SLC2A3: variants seen among roughly 807,000 people sequenced by gnomAD.
SLC2A3 encodes solute carrier family 2, facilitated glucose transporter member 3.
In SLC2A3, 21 loss-of-function variants were observed where a neutral mutation model predicts 46.4. That is an observed-to-expected ratio of 0.45 (90% confidence interval 0.32 to 0.65). The LOEUF (loss-of-function observed/expected upper bound fraction) is 0.65. Ranked by LOEUF, SLC2A3 falls within the 30% of genes least tolerant of loss-of-function variation. SLC2A3 has a pLI of 0.04. For missense variants in SLC2A3, 499 were observed against 623.3 expected (o/e 0.80, Z 2.12); for synonymous variants, 213 against 239.4 (o/e 0.89, Z 1.02).
At chr12:7,927,040 C>T (rs753696248) in intron 6 of SLC2A3, among the ~76,000 whole-genome samples, 2 of 152,010 alleles carry the variant, frequency 1.3e-5, no homozygotes, top group Admixed American at 1.3e-4. Context: ...GCCTCCATAG[C>T]AATATTTATT....
At chr12:7,927,786 A>G (rs1365455935) in intron 6 of SLC2A3, among the ~76,000 whole-genome samples, 1 of 152,072 alleles carries the variant, frequency 6.6e-6, no homozygotes, top group Non-Finnish European at 1.5e-5. Flanking sequence ...TCCAACAATA[A>G]TTAATGTACA....
In SLC2A3 at chr12:7,920,398, G is replaced by A. The variant is rs186954156; in HGVS notation, c.*1015C>T. 1.3e-5 allele frequency: 2 copies of A among 152,102 alleles called. No homozygotes were observed. Among genetic ancestry groups the A allele is most frequent in the African/African-American group, 4.8e-5 (2 of 41,482 alleles). 9.4% of individuals were successfully genotyped at this position (152,102 alleles called of 1,614,324 possible). The stretch of plus-strand genomic sequence containing the variant: ...GTTATTTCATCCAGTGAGGGGAACA[G>A]GCTTTCTAGAAATCACTTTCTCTTC... On this transcript the variant is annotated 3_prime_UTR_variant, in exon 10 of 10. Transcript: ENST00000075120.
intron 4 of SLC2A3, 110 bp from the exon 5 acceptor site, chr12:7,930,752 TAAAC>T (rs1308183307): frequency 1.7e-5 from 18 of 1,074,746 alleles, no homozygotes; most frequent in African/African-American, 3.3e-5. Context: ...TGTGAAAAAA[TAAAC>T]AAATTGTGTT....
Position 7,925,751 on chromosome 12 carries a change from A to G in SLC2A3, c.966+93T>C, listed in dbSNP as rs879719426. On this transcript the variant is annotated intron_variant, in intron 7 of 9. Transcript: ENST00000075120. ...AAGGAAAATTAAGCAACAAAAAGGT[A>G]ACTAAATGATGGTAGGGTCATGCAA... 16 of 969,906 alleles carry G rather than the reference A, an allele frequency of 1.6e-5. No individual in the cohort carries two copies. The Admixed American group carries it at 3.4e-4, about 21-fold the overall frequency. The allele number at this position is 969,906 out of a possible 1,614,324, so 60.1% of individuals were successfully genotyped here. A position where few individuals can be genotyped will look rare whatever the true frequency, so the allele number is the denominator to read the frequency against.
At chr12:7,924,089 C>T (rs914998972) in intron 8 of SLC2A3, among the ~76,000 whole-genome samples, 1 of 152,062 alleles carries the variant, frequency 6.6e-6, no homozygotes, top group African/African-American at 2.4e-5. Flanking sequence ...TTTTCAATCC[C>T]ATCTATATGA....
chr12:7,928,956 G>C (rs1042514078), intron 6 of SLC2A3, among the ~76,000 whole-genome samples: 1 of 151,804 alleles, frequency 6.6e-6, no homozygotes, highest in African/African-American at 2.4e-5. Context: ...ACCACACTTG[G>C]CTCCTCATAG....
intron 3 of SLC2A3, among the ~76,000 whole-genome samples, chr12:7,931,863 T>C (rs896013119): frequency 2.0e-5 from 3 of 148,432 alleles, no homozygotes; most frequent in African/African-American, 7.4e-5. Flanking sequence ...ATTGCATTTC[T>C]AGAATATCTA....
chr12:7,926,121 T>A (rs1946092436), intron 6 of SLC2A3, among the ~76,000 whole-genome samples, 173 bp from the exon 7 acceptor site: 2 of 152,308 alleles, frequency 1.3e-5, no homozygotes, highest in East Asian at 3.9e-4. Flanking sequence ...TCTCCTAGTC[T>A]GGATCTGTCA....
In SLC2A3 at chr12:7,922,948, C is replaced by G; in HGVS notation, c.1145G>C (p.Gly382Ala). The part of the protein sequence containing the change: ...VFVAFFEIGP[G>A]PIPWFIVAEL... ...GGCCACAATAAACCAGGGAATGGGG[C>G]CTGGTCCAATTTCAAAGAAGGCTAC... The change falls in exon 9 of 10, where the codon GGC (glycine) becomes GCC (alanine). Residue 382 changes from glycine to alanine, a missense_variant. This residue lies in a region of SLC2A3 where 179 missense variants were observed against 205.1 expected (regional missense o/e 0.87). Transcript: ENST00000075120. The G allele has an allele frequency of 6.2e-7, 1 of 1,614,076 alleles. No homozygotes were observed. The highest frequency in any genetic ancestry group is 8.5e-7 in the Non-Finnish European group (1 of 1,180,012).
Position 7,923,031 on chromosome 12 carries a change from G to A in SLC2A3, c.1069-7C>T, listed in dbSNP as rs1196008323. 3.1e-6 allele frequency: 5 copies of A among 1,610,192 alleles called. No homozygotes were observed. Among genetic ancestry groups the A allele is most frequent in the Non-Finnish European group, 4.2e-6 (5 of 1,178,332 alleles). ...TCATCCCATTATAGTTATCCTGTAA[G>A]AGCAAGGAACAGAGAAAATTAAATT... On this transcript the variant is annotated splice_polypyrimidine_tract_variant and splice_region_variant and intron_variant, in intron 8 of 9. Transcript: ENST00000075120.
chr12:7,933,475 C>T (rs1432820716), intron 2 of SLC2A3: 13 of 461,466 alleles, frequency 2.8e-5, no homozygotes, highest in African/African-American at 5.8e-5. Flanking sequence ...AGAACAGCAC[C>T]GCCCAGCGTT....
chr12:7,930,792 G>GTTTTTT (rs66814289), intron 4 of SLC2A3, 150 bp from the exon 5 acceptor site: 17 of 247,094 alleles, frequency 6.9e-5, no homozygotes, highest in South Asian at 2.1e-4. Context: ...ACTCAGCATG[G>GTTTTTT]TTTTTTTTTT....
intron 3 of SLC2A3, 141 bp from the exon 4 acceptor site, chr12:7,931,626 T>A: frequency 7.7e-7 from 1 of 1,296,474 alleles, no homozygotes; most frequent in Non-Finnish European, 1.0e-6. Flanking sequence ...CACTTTCTAT[T>A]ATCAGAACAT....
Position 7,933,709 on chromosome 12 carries a change from A to C in SLC2A3, c.108+101T>G, listed in dbSNP as rs935664111. 28 of 1,269,562 alleles carry C rather than the reference A, an allele frequency of 2.2e-5. No individual in the cohort carries two copies. In the African/African-American group the frequency reaches 3.7e-4, roughly 17 times the overall value. 78.6% of individuals were successfully genotyped at this position (1,269,562 alleles called of 1,614,324 possible). ...CTCAGGAGTAGCTGGGACTCCAGGC[A>C]GATGCCACCATGCCTGGCCTTAAAT... On this transcript the variant is annotated intron_variant, in intron 2 of 9. Coordinates refer to ENST00000075120, the MANE Select transcript of SLC2A3 (RefSeq NM_006931.3).
chr12:7,921,803 CTCTCTAGTTTT>C (rs1372605107), intron 9 of SLC2A3, among the ~76,000 whole-genome samples, 172 bp from the exon 10 acceptor site: 1 of 152,106 alleles, frequency 6.6e-6, no homozygotes, highest in Non-Finnish European at 1.5e-5. Flanking sequence ...TACTGTAGTT[CTCTCTAGTTTT>C]CTTTCTGTCA....
intron 4 of SLC2A3, among the ~76,000 whole-genome samples, 160 bp downstream of exon 4, chr12:7,931,085 A>T (rs113121805): frequency 6.6e-6 from 1 of 152,064 alleles, no homozygotes; most frequent in African/African-American, 2.4e-5. Flanking sequence ...CGTGAGCCAC[A>T]GCGCCCGGCC....
chr12:7,931,284 G>T lies in SLC2A3; in HGVS notation c.471C>A (p.Leu157=), dbSNP rs1426967089. ...TTCCAACAACGATGCCCAGCTGGTT[G>T]AGAGTGCCAAAGGCACCCCGCAGGG... ...PTALRGAFGT[L]NQLGIVVGIL... Residue 157 remains leucine, a synonymous_variant, in exon 4 of 10, where the codon CTC becomes CTA. Transcript: ENST00000075120. The T allele has an allele frequency of 1.2e-6, 2 of 1,614,032 alleles. No individual in the cohort carries two copies. The highest frequency in any genetic ancestry group is 1.7e-6 in the Non-Finnish European group (2 of 1,180,034).
rs746036982 is a variant in SLC2A3 at position 7,929,751 on chromosome 12, C to A, written c.794G>T (p.Ser265Ile). 6.2e-7 allele frequency: 1 copy of A among 1,613,520 alleles called. No homozygotes were observed. Among genetic ancestry groups the A allele is most frequent in the South Asian group, 1.1e-5 (1 of 91,062 alleles). Residue 265 changes from serine to isoleucine, a missense_variant, in exon 6 of 10, where the codon AGC becomes ATC. By Grantham distance (142) the Ser-to-Ile change is moderately radical. Transcript: ENST00000075120. ...GGAAATGATGATGGGCTGTCGGTAGCTGGACACTCTAAAGAGCTCTAGCAC... is the reference window on the plus strand; with the variant it reads ...GGAAATGATGATGGGCTGTCGGTAGATGGACACTCTAAAGAGCTCTAGCAC... ...VTVLELFRVS[S>I]YRQPIIISIV...
Position 7,936,161 on chromosome 12 carries a change from C to G in SLC2A3, c.-127G>C, listed in dbSNP as rs1488454981. On this transcript the variant is annotated 5_prime_UTR_variant, in exon 1 of 10. Transcript: ENST00000075120. The stretch of plus-strand genomic sequence containing the variant: ...TTTTCTCCACGTCCTCAGGAAGGAT[C>G]CAAAGTCTTACCATTACAGCATCTC... The G allele has an allele frequency of 2.5e-6, 2 of 803,488 alleles. No individual in the cohort carries two copies. 49.8% of individuals were successfully genotyped at this position (803,488 alleles called of 1,614,324 possible). A position where few individuals can be genotyped will look rare whatever the true frequency, so the allele number is the denominator to read the frequency against.
Sources: gnomAD v4.1 joint callset for allele counts (sites outside exome capture counted in the v4.1 genomes callset) on GRCh38, gnomAD v4.1.1 for gene constraint, gnomAD v4.1.1 regional missense constraint, MANE v1.5 for transcripts, NCBI Gene and HGNC (gene_info 2026-07-23, HGNC 2026-07-21) for gene names.